The following PITPNM2 variants were observed in gnomAD, a reference collection of about 807,000 sequenced individuals.
PITPNM2 encodes the protein membrane-associated phosphatidylinositol transfer protein 2.
In PITPNM2, 35 loss-of-function variants were observed where a neutral mutation model predicts 132.2. The observed-to-expected ratio is 0.26, with a 90% CI of 0.20 to 0.35. The LOEUF (loss-of-function observed/expected upper bound fraction) is 0.35. Among genes scored for constraint, PITPNM2 ranks in the 10% least tolerant of loss-of-function variants. The pLI is 1.00. For synonymous variants in PITPNM2, 738 were observed against 799.2 expected (o/e 0.92, Z 1.29); for missense variants, 1,332 against 1,912.0 (o/e 0.70, Z 5.66).
chr12:123,024,476 T>C (rs1165115427), intron 3 of PITPNM2, among the ~76,000 whole-genome samples: 1 of 152,204 alleles, frequency 6.6e-6, no homozygotes, highest in Admixed American at 6.5e-5. Flanking sequence ...TACATGAATA[T>C]TTATGGCAGC....
intron 3 of PITPNM2, among the ~76,000 whole-genome samples, chr12:123,026,687 C>T (rs2039872810): frequency 6.6e-6 from 1 of 152,224 alleles, no homozygotes; most frequent in Non-Finnish European, 1.5e-5. Flanking sequence ...TGCGCAGAAG[C>T]CCCTGCCCAC....
In PITPNM2 at chr12:123,012,656, G is replaced by A. The variant is rs766402647; in HGVS notation, c.372C>T (p.Asp124=). 17 of 1,613,966 alleles carry A rather than the reference G, an allele frequency of 1.1e-5. No homozygotes were observed. Among genetic ancestry groups the A allele is most frequent in the African/African-American group, 8.0e-5 (6 of 74,918 alleles). ...TTTCCACAGGAGAGAGGTTGAACAC[G>A]TCGGGGTTTTCTCCAGCATCAGTTT... ...FYKTDAGENP[D]VFNLSPVEKN... Residue 124 remains aspartate (D), a synonymous_variant, in exon 5 of 26, where the codon GAC becomes GAT. Coordinates refer to ENST00000320201, the MANE Select transcript of PITPNM2 (RefSeq NM_020845.3).
In PITPNM2 at chr12:123,059,582, T is replaced by G. The variant is rs1037648159; in HGVS notation, c.-95-24897A>C. 2.8e-4 allele frequency among the ~76,000 whole-genome samples: 43 copies of G among 152,214 alleles called. 1 individual carries two copies. The highest frequency in any genetic ancestry group is 1.0e-4 in the Non-Finnish European group (7 of 68,038). ...TGATTTGTTTTCATATCATCTGAGC[T>G]TCTCTCTTGGACAGTGGGAAGCTGG... On this transcript the variant is annotated intron_variant, in intron 2 of 25. Transcript: ENST00000320201.
At chr12:122,997,741 C>T (rs1249468924) in intron 10 of PITPNM2, among the ~76,000 whole-genome samples, 169 bp from the exon 11 acceptor site, 3 of 152,190 alleles carry the variant, frequency 2.0e-5, no homozygotes, top group East Asian at 1.9e-4. Flanking sequence ...GCTGCCTCAA[C>T]CCCTCCCCTG....
chr12:123,051,149 T>G (rs1036395256), intron 2 of PITPNM2, among the ~76,000 whole-genome samples: 6 of 152,208 alleles, frequency 3.9e-5, no homozygotes, highest in African/African-American at 1.4e-4. Context: ...GGCCTCTCAG[T>G]TCTCAGAAAC....
chr12:123,043,897 G>A (rs1387228865), intron 2 of PITPNM2, among the ~76,000 whole-genome samples: 1 of 152,156 alleles, frequency 6.6e-6, no homozygotes, highest in African/African-American at 2.4e-5. Flanking sequence ...AAATGTGCAT[G>A]TGAGGAAATA....
At chr12:123,084,886 T>C (rs1422331646) in intron 2 of PITPNM2, 3 of 152,240 alleles carry the variant, frequency 2.0e-5, no homozygotes, top group East Asian at 3.8e-4. Flanking sequence ...CCTGAATTAA[T>C]TTTTAATAAA....
chr12:123,061,496 C>T (rs957557010), intron 2 of PITPNM2, among the ~76,000 whole-genome samples: 3 of 152,234 alleles, frequency 2.0e-5, no homozygotes, highest in Non-Finnish European at 2.9e-5. Context: ...CAAGAGTAGG[C>T]CCTCTCACTG....
rs1353167167 is a variant in PITPNM2 at position 122,987,546 on chromosome 12, C to T, written c.3228G>A (p.Leu1076=). Residue 1076 remains leucine, a synonymous_variant, in exon 22 of 26, where the codon CTG becomes CTA. Coordinates refer to ENST00000320201, the MANE Select transcript of PITPNM2 (RefSeq NM_020845.3). ...TCTTGATAGGGTAGACACCCACGCCCAGGCGGTGCGACTCAGGGATGGTGT... is the reference window on the plus strand; with the variant it reads ...TCTTGATAGGGTAGACACCCACGCCTAGGCGGTGCGACTCAGGGATGGTGT... The part of the protein sequence containing the change: ...VSYTIPESHR[L]GVGVYPIKMV... 6.2e-7 allele frequency: 1 copy of T among 1,613,700 alleles called. No homozygotes were observed. The highest frequency in any genetic ancestry group is 2.2e-5 in the East Asian group (1 of 44,894).
At position 123,004,275 on chromosome 12, in the gene PITPNM2, G is replaced by A. The variant is rs1201812382; in HGVS notation, c.1048+119C>T. On this transcript the variant is annotated intron_variant, in intron 8 of 25. Transcript: ENST00000320201. This position sits in a 1 kb window ranked among gnomAD's most constrained non-coding sequence, Gnocchi z 4.9. ...TGGGACAGTGCAGGTATAGGGACTGGATATAGAATAGTAACAGGCAACACC... is the reference window on the plus strand; with the variant it reads ...TGGGACAGTGCAGGTATAGGGACTGAATATAGAATAGTAACAGGCAACACC... The A allele has an allele frequency of 2.2e-6, 2 of 902,262 alleles. No individual in the cohort carries two copies. Among genetic ancestry groups the A allele is most frequent in the Non-Finnish European group, 3.5e-6 (2 of 571,066 alleles). The allele number at this position is 902,262 out of a possible 1,614,324, so 55.9% of individuals were successfully genotyped here. A position where few individuals can be genotyped will look rare whatever the true frequency, so the allele number is the denominator to read the frequency against.
intron 1 of PITPNM2, among the ~76,000 whole-genome samples, chr12:123,119,017 G>A (rs1293941593): frequency 1.3e-5 from 2 of 152,176 alleles, no homozygotes; most frequent in South Asian, 2.1e-4. Context: ...TTAGTCACCT[G>A]CAGGTCAGGG....
rs2042508508 is a variant in PITPNM2 at position 123,099,730 on chromosome 12, T to C, written c.-96+10655A>G. 6.6e-6 allele frequency among the ~76,000 whole-genome samples: 1 copy of C among 152,206 alleles called. No homozygotes were observed. Among genetic ancestry groups the C allele is most frequent in the Non-Finnish European group, 1.5e-5 (1 of 68,040 alleles). ...TTCAGATGCCTATCCATGCTGGCAC[T>C]GTTCCAAGTCCCACCTACAGCCTCT... On this transcript the variant is annotated intron_variant, in intron 2 of 25. Coordinates refer to ENST00000320201, the MANE Select transcript of PITPNM2 (RefSeq NM_020845.3). The surrounding 1 kb of genome is among the most constrained non-coding windows in gnomAD (Gnocchi z 4.2).
intron 2 of PITPNM2, chr12:123,090,481 T>G (rs1386354082): frequency 6.6e-6 from 1 of 151,916 alleles, no homozygotes; most frequent in Non-Finnish European, 1.5e-5. Context: ...TGGCTCAGCC[T>G]CCCAAGTATC....
rs749675452 is a variant in PITPNM2 at position 123,004,650 on chromosome 12, T to C, written c.953-161A>G. 257 of 675,784 alleles carry C rather than the reference T, an allele frequency of 3.8e-4. No individual in the cohort carries two copies. Among genetic ancestry groups the C allele is most frequent in the Admixed American group, 7.2e-4 (33 of 46,008 alleles). 41.9% of individuals were successfully genotyped at this position (675,784 alleles called of 1,614,324 possible). A position where few individuals can be genotyped will look rare whatever the true frequency, so the allele number is the denominator to read the frequency against. On this transcript the variant is annotated intron_variant, in intron 7 of 25. Transcript: ENST00000320201. This position sits in a 1 kb window ranked among gnomAD's most constrained non-coding sequence, Gnocchi z 4.9. ...TTCCGAAGAGAATGAAGTGTGTAAA[T>C]GAGTGGGGAGCGGCCTAGGCTCATC...
chr12:123,086,423 T>C (rs530883543), intron 2 of PITPNM2, among the ~76,000 whole-genome samples: 1 of 152,206 alleles, frequency 6.6e-6, no homozygotes, highest in Non-Finnish European at 1.5e-5. Context: ...AGCATATGGC[T>C]GGGACATGGT....
intron 2 of PITPNM2, among the ~76,000 whole-genome samples, chr12:123,040,793 T>A (rs543901781): frequency 4.1e-4 from 63 of 152,054 alleles, no homozygotes; most frequent in East Asian, 7.7e-4. Context: ...ATACTTTTTT[T>A]AAAAAAGATT....
intron 2 of PITPNM2, among the ~76,000 whole-genome samples, chr12:123,059,104 A>T (rs192232787): frequency 9.2e-5 from 14 of 152,332 alleles, no homozygotes; most frequent in South Asian, 8.3e-4. Context: ...GCATCTAGGC[A>T]GGGAGAGAAC....
intron 2 of PITPNM2, among the ~76,000 whole-genome samples, chr12:123,068,614 C>T (rs903156125): frequency 6.6e-5 from 10 of 152,200 alleles, no homozygotes; most frequent in Non-Finnish European, 1.3e-4. Context: ...TACTTAACAG[C>T]CCCCTAACCC....
intron 16 of PITPNM2, among the ~76,000 whole-genome samples, chr12:122,990,990 C>G (rs2038163558): frequency 6.6e-6 from 1 of 152,202 alleles, no homozygotes; most frequent in African/African-American, 2.4e-5. Context: ...CCCACACACA[C>G]CCCTCAGCTT....
Sources: allele counts gnomAD v4.1 joint callset (sites outside exome capture counted in the v4.1 genomes callset), GRCh38; gene constraint gnomAD v4.1.1; non-coding constraint Gnocchi (gnomAD v3.1); transcripts MANE v1.5; gene names NCBI Gene and HGNC (gene_info 2026-07-23, HGNC 2026-07-21).